Variants in KHDRBS3 observed in about 807,000 individuals in gnomAD.
KHDRBS3 encodes KH domain-containing, RNA-binding, signal transduction-associated protein 3.
In KHDRBS3, 23 loss-of-function variants were observed where a neutral mutation model predicts 45.6. That is an observed-to-expected ratio of 0.50 (90% confidence interval 0.36 to 0.72). KHDRBS3 has a LOEUF of 0.72. KHDRBS3 is among the 30% of genes least tolerant of loss of function. KHDRBS3 has a pLI of 0.00. For synonymous variants in KHDRBS3, 162 were observed against 156.5 expected, an observed-to-expected ratio of 1.04 and a Z score of -0.26; for missense variants, 352 against 424.8, an observed-to-expected ratio of 0.83 and a Z score of 1.51.
intron 6 of KHDRBS3, among the ~76,000 whole-genome samples, chr8:135,583,153 C>G (rs554302474): frequency 1.2e-4 from 19 of 152,274 alleles, no homozygotes; most frequent in African/African-American, 4.3e-4. Context: ...AGCATTACTA[C>G]AGTTCTTACA....
rs186926895 is a variant in KHDRBS3, at chr8:135,590,999, A to G, written c.807+8926A>G. On this transcript the variant is annotated intron_variant, in intron 6 of 8. Transcript: ENST00000355849. ...AGTCATACAAGCTCATAAGAATACA[A>G]AAACTCCTTTCTTCAGCAGATATTT... Among the ~76,000 whole-genome samples the G allele has an allele frequency of 3.6e-3, 548 of 152,374 alleles. 4 individuals carry two copies. Among genetic ancestry groups the G allele is most frequent in the African/African-American group, 0.013 (533 of 41,596 alleles).
intron 6 of KHDRBS3, among the ~76,000 whole-genome samples, chr8:135,586,232 C>T (rs1828465988): frequency 6.6e-6 from 1 of 151,924 alleles, no homozygotes; most frequent in African/African-American, 2.4e-5. Context: ...GTGCCTTGCC[C>T]AAAGTCACAG....
At chr8:135,539,528 A>G (rs1173777325) in intron 2 of KHDRBS3, 2 of 152,230 alleles carry the variant, frequency 1.3e-5, no homozygotes, top group Non-Finnish European at 2.9e-5. Context: ...AATTGTATAT[A>G]TCCACAACAG....
chr8:135,584,431 G>A (rs777480339), intron 6 of KHDRBS3, among the ~76,000 whole-genome samples: 18 of 152,180 alleles, frequency 1.2e-4, no homozygotes, highest in Non-Finnish European at 2.6e-4. Flanking sequence ...CTCCTTCCCC[G>A]AGTTGAATTA....
chr8:135,639,009 A>AAACCAGG (rs1830942449), intron 7 of KHDRBS3, among the ~76,000 whole-genome samples: 2 of 151,358 alleles, frequency 1.3e-5, no homozygotes, highest in African/African-American at 4.9e-5. Context: ...GATAGGAAGG[A>AAACCAGG]AACCAGGAAG....
intron 6 of KHDRBS3, among the ~76,000 whole-genome samples, chr8:135,604,020 A>G (rs1002501137): frequency 5.3e-5 from 8 of 151,850 alleles, no homozygotes; most frequent in Admixed American, 5.2e-4. Context: ...GTACCCAACT[A>G]TTATTGTTGA....
chr8:135,557,988 ATTAC>A, intron 5 of KHDRBS3, among the ~76,000 whole-genome samples: 1 of 152,316 alleles, frequency 6.6e-6, no homozygotes, highest in Admixed American at 6.5e-5. Context: ...TCACTGTAAT[ATTAC>A]TTCTTAAATT....
chr8:135,585,224 G>A (rs1366120651), intron 6 of KHDRBS3, among the ~76,000 whole-genome samples: 26 of 91,376 alleles, frequency 2.8e-4, no homozygotes, highest in African/African-American at 7.4e-4. Context: ...GCGAGACTCC[G>A]TCTCAAAAAA....
intron 5 of KHDRBS3, among the ~76,000 whole-genome samples, chr8:135,574,197 G>GTCACCTCCATCATGTTAGCACA (rs1827845492): frequency 6.6e-6 from 1 of 151,040 alleles, no homozygotes; most frequent in Non-Finnish European, 1.5e-5. Context: ...ATGTTAGCAC[G>GTCACCTCCATCATGTTAGCACA]TCACCTCCAT....
At chr8:135,620,619 G>T (rs923709964) in intron 7 of KHDRBS3, among the ~76,000 whole-genome samples, 1 of 152,130 alleles carries the variant, frequency 6.6e-6, no homozygotes, top group African/African-American at 2.4e-5. Flanking sequence ...AAGATATTGT[G>T]GTTTTTAGAA....
At chr8:135,567,146 G>A (rs1212743745) in intron 5 of KHDRBS3, among the ~76,000 whole-genome samples, 1 of 152,044 alleles carries the variant, frequency 6.6e-6, no homozygotes, top group Non-Finnish European at 1.5e-5. Context: ...GAGGAACTGC[G>A]TTAACTGCTG....
At chr8:135,652,003 A>C (rs548536700), downstream of KHDRBS3, among the ~76,000 whole-genome samples, 1 of 152,358 alleles carries the variant, frequency 6.6e-6, no homozygotes, top group South Asian at 2.1e-4. Flanking sequence ...AGAAAAAATA[A>C]AATTGTAGAG....
intron 1 of KHDRBS3, among the ~76,000 whole-genome samples, chr8:135,492,516 C>CATATATATATATATATATATGTAT (rs3029812): frequency 3.4e-5 from 5 of 145,866 alleles, no homozygotes; most frequent in African/African-American, 1.0e-4. Flanking sequence ...TATATATATA[C>CATATATATATATATATATATGTAT]ATATATATAT....
At chr8:135,653,549 TGCCATGCCAGGCAA>T (rs1165714650) in intron 4 of KHDRBS3, among the ~76,000 whole-genome samples, 2 of 152,234 alleles carry the variant, frequency 1.3e-5, no homozygotes, top group African/African-American at 4.8e-5. Flanking sequence ...ATGATACTCT[TGCCATGCCAGGCAA>T]TGGCAGTGAG....
intron 7 of KHDRBS3, among the ~76,000 whole-genome samples, chr8:135,627,033 AG>A (rs1392202254): frequency 1.3e-5 from 2 of 152,228 alleles, no homozygotes; most frequent in Non-Finnish European, 2.9e-5. Context: ...TCTCTATATC[AG>A]AAAAATACAG....
chr8:135,625,539 G>T, intron 7 of KHDRBS3: 1 of 875,892 alleles, frequency 1.1e-6, no homozygotes, highest in Non-Finnish European at 1.9e-6. Context: ...GGTTTCTTGG[G>T]TGTATTCAGA....
chr8:135,630,349 C>T (rs988678147), intron 7 of KHDRBS3, among the ~76,000 whole-genome samples: 3 of 152,150 alleles, frequency 2.0e-5, no homozygotes, highest in Admixed American at 2.0e-4. Flanking sequence ...TTACACAGAC[C>T]TTTGTTCTAA....
intron 7 of KHDRBS3, 82 bp from the exon 8 acceptor site, chr8:135,644,977 A>G: frequency 7.0e-7 from 1 of 1,437,576 alleles, no homozygotes. Context: ...AGTTGTCTTT[A>G]AGTTTTACAA....
At chr8:135,540,584 A>C (rs1825996874) in intron 2 of KHDRBS3, 1 of 152,248 alleles carries the variant, frequency 6.6e-6, no homozygotes, top group South Asian at 2.1e-4. Flanking sequence ...GTGAGATATC[A>C]CACTGAAAAT....
Sources: allele counts gnomAD v4.1 joint callset (sites outside exome capture counted in the v4.1 genomes callset), GRCh38; gene constraint gnomAD v4.1.1; transcripts MANE v1.5; gene names NCBI Gene and HGNC (gene_info 2026-07-23, HGNC 2026-07-21).